PCDH15: variants seen among roughly 807,000 people sequenced by gnomAD.
PCDH15 encodes protocadherin-15.
Under a neutral mutation model 178.5 loss-of-function variants are expected in PCDH15, and 129 were observed. The observed-to-expected ratio is 0.72, with a 90% CI of 0.63 to 0.84. PCDH15 has a LOEUF of 0.84. Ranked by LOEUF, PCDH15 falls within the 40% of genes least tolerant of loss-of-function variation. The pLI, the probability that PCDH15 is intolerant of heterozygous loss-of-function variation, is 0.00. For missense variants in PCDH15, 2,230 were observed against 2,099.9 expected (o/e 1.06, Z -1.21); for synonymous variants, 800 against 732.0 (o/e 1.09, Z -1.50).
At chr10:55,171,241 A>C (rs2132123331) in intron 1 of PCDH15, among the ~76,000 whole-genome samples, 1 of 152,340 alleles carries the variant, frequency 6.6e-6, no homozygotes, top group East Asian at 1.9e-4. Context: ...TAATATGGCC[A>C]ATGCCAAGCT....
intron 26 of PCDH15, among the ~76,000 whole-genome samples, chr10:53,882,913 T>C (rs1431693708): frequency 4.6e-5 from 7 of 152,272 alleles, no homozygotes; most frequent in African/African-American, 9.6e-5. Context: ...TTTGTGCTTC[T>C]TGCTTTTTAG....
chr10:54,660,597 C>G (rs184010553), intron 2 of PCDH15, among the ~76,000 whole-genome samples: 3 of 152,232 alleles, frequency 2.0e-5, no homozygotes, highest in Admixed American at 1.3e-4. Context: ...TGACTCCTCT[C>G]TAACTCATTC....
chr10:54,725,560 A>ATGTATG (rs879708668), intron 1 of PCDH15, among the ~76,000 whole-genome samples: 4 of 124,504 alleles, frequency 3.2e-5, no homozygotes, highest in Non-Finnish European at 7.0e-5. Context: ...AATTATATAT[A>ATGTATG]TATATAATTG....
intron 2 of PCDH15, among the ~76,000 whole-genome samples, chr10:54,939,388 G>T (rs533665705): frequency 6.6e-6 from 1 of 150,424 alleles, no homozygotes; most frequent in Non-Finnish European, 1.5e-5. Flanking sequence ...CCAGCTACTC[G>T]GGAGGCTGAG....
At chr10:55,304,311 G>A (rs1015898672) in intron 1 of PCDH15, among the ~76,000 whole-genome samples, 1 of 151,966 alleles carries the variant, frequency 6.6e-6, no homozygotes, top group Non-Finnish European at 1.5e-5. Context: ...GTGCTTTCAG[G>A]TTATCACCTT....
chr10:55,088,223 T>C (rs1842224971), intron 2 of PCDH15, among the ~76,000 whole-genome samples: 1 of 152,012 alleles, frequency 6.6e-6, no homozygotes, highest in South Asian at 2.1e-4. Context: ...TTTATTATTA[T>C]ACAAGTATTA....
chr10:55,453,280 C>A (rs1427920878), intron 2 of PCDH15, among the ~76,000 whole-genome samples: 1 of 152,110 alleles, frequency 6.6e-6, no homozygotes, highest in Non-Finnish European at 1.5e-5. Context: ...TAGATGCCCT[C>A]CCACATGATA....
intron 2 of PCDH15, among the ~76,000 whole-genome samples, chr10:55,112,677 C>A (rs570477015): frequency 1.6e-4 from 24 of 152,110 alleles, no homozygotes; most frequent in Non-Finnish European, 2.1e-4. Context: ...AACATGATCC[C>A]ATATGACGAT....
chr10:53,966,766 G>A (rs534061995), intron 21 of PCDH15, among the ~76,000 whole-genome samples: 23 of 151,214 alleles, frequency 1.5e-4, no homozygotes, highest in Admixed American at 4.6e-4. Flanking sequence ...AGATATGATC[G>A]AAGTATTCTA....
intron 32 of PCDH15, among the ~76,000 whole-genome samples, chr10:53,824,420 G>T (rs1323198503): frequency 4.6e-5 from 7 of 152,046 alleles, no homozygotes; most frequent in Non-Finnish European, 7.4e-5. Context: ...AAATAAAAAA[G>T]AAATATTCTG....
chr10:55,311,863 T>C (rs1588902286), intron 1 of PCDH15, among the ~76,000 whole-genome samples: 1 of 152,356 alleles, frequency 6.6e-6, no homozygotes, highest in East Asian at 1.9e-4. Context: ...AAAAGGTTGT[T>C]TCTTAAAATT....
chr10:54,243,767 A>G (rs2055648082), intron 8 of PCDH15, among the ~76,000 whole-genome samples: 1 of 152,238 alleles, frequency 6.6e-6, no homozygotes, highest in Non-Finnish European at 1.5e-5. Context: ...GGTCAGAAAT[A>G]TCAGATTGTT....
intron 1 of PCDH15, among the ~76,000 whole-genome samples, chr10:55,195,770 A>T (rs1840079658): frequency 6.6e-6 from 1 of 152,042 alleles, no homozygotes; most frequent in Non-Finnish European, 1.5e-5. Context: ...TATTGTGGAA[A>T]TATTCATGAA....
chr10:54,227,313 C>T (rs954615577), intron 9 of PCDH15, among the ~76,000 whole-genome samples: 10 of 152,212 alleles, frequency 6.6e-5, no homozygotes, highest in African/African-American at 2.2e-4. Context: ...GACTTCTGAG[C>T]ACTCACAGGC....
chr10:54,902,032 C>T (rs1203535587), intron 2 of PCDH15, among the ~76,000 whole-genome samples: 3 of 151,894 alleles, frequency 2.0e-5, no homozygotes, highest in East Asian at 3.9e-4. Context: ...TTACAGGACC[C>T]GTTCTTCCAA....
intron 23 of PCDH15, among the ~76,000 whole-genome samples, chr10:53,958,138 A>G (rs2087818324): frequency 6.6e-6 from 1 of 152,176 alleles, no homozygotes; most frequent in South Asian, 2.1e-4. Flanking sequence ...ATTCATTCTA[A>G]GAAAGTAAAA....
intron 2 of PCDH15, among the ~76,000 whole-genome samples, chr10:55,406,181 G>C (rs867098314): frequency 6.6e-6 from 1 of 151,796 alleles, no homozygotes; most frequent in South Asian, 2.1e-4. Flanking sequence ...AATAACAGGG[G>C]TAAAAAAGCA....
intron 3 of PCDH15, 22 bp downstream of exon 3, chr10:54,527,790 G>T (rs748461610): frequency 3.0e-5 from 47 of 1,574,444 alleles, no homozygotes; most frequent in Non-Finnish European, 4.0e-5. Flanking sequence ...TAAGACATTT[G>T]TAAAATAAAA....
chr10:54,509,535 T>C (rs1252011602), intron 3 of PCDH15, among the ~76,000 whole-genome samples: 1 of 152,142 alleles, frequency 6.6e-6, no homozygotes, highest in African/African-American at 2.4e-5. Flanking sequence ...TATTATTACA[T>C]ATCTTTCTGT....
Sources: gnomAD v4.1 joint callset for allele counts (sites outside exome capture counted in the v4.1 genomes callset) on GRCh38, gnomAD v4.1.1 for gene constraint, MANE v1.5 for transcripts, NCBI Gene and HGNC (gene_info 2026-07-23, HGNC 2026-07-21) for gene names.